SLC28A3: variants seen among roughly 807,000 people sequenced by gnomAD.
The protein encoded by SLC28A3 is concentrative Na(+)-nucleoside cotransporter 3.
Under a neutral mutation model 84.2 loss-of-function variants are expected in SLC28A3, and 68 were observed. The observed-to-expected ratio is 0.81, with a 90% CI of 0.66 to 0.99. The LOEUF (loss-of-function observed/expected upper bound fraction) is 0.99, where lower values mean the gene tolerates loss of function less well. Ranked by LOEUF, SLC28A3 falls within the 50% of genes least tolerant of loss-of-function variation. SLC28A3 has a pLI of 0.00. For missense variants in SLC28A3, 712 were observed against 841.5 expected (o/e 0.85, Z 1.90); for synonymous variants, 267 against 303.6 (o/e 0.88, Z 1.25).
chr9:84,286,804 C>G (rs67113324), intron 12 of SLC28A3, among the ~76,000 whole-genome samples: 17,180 of 152,034 alleles, frequency 0.11, 1,161 homozygotes, highest in African/African-American at 0.19. Flanking sequence ...GTGTACTCTT[C>G]TTTGATCTCA....
chr9:84,313,857 A>G (rs1826073188), intron 1 of SLC28A3, among the ~76,000 whole-genome samples: 1 of 149,082 alleles, frequency 6.7e-6, no homozygotes, highest in South Asian at 2.1e-4. Context: ...AGACACAGCA[A>G]GACTCTACCT....
intron 1 of SLC28A3, among the ~76,000 whole-genome samples, chr9:84,318,188 C>T (rs1265131853): frequency 6.6e-6 from 1 of 152,160 alleles, no homozygotes; most frequent in Non-Finnish European, 1.5e-5. Flanking sequence ...CTAGACCATT[C>T]CCCAGAGATG....
intron 1 of SLC28A3, among the ~76,000 whole-genome samples, chr9:84,339,410 C>T (rs10120520): frequency 0.033 from 5,064 of 151,978 alleles, 275 homozygotes; most frequent in African/African-American, 0.12. Flanking sequence ...CCACCATGCC[C>T]GGCTGATTTT....
At chr9:84,310,998 C>A (rs988122676) in intron 2 of SLC28A3, among the ~76,000 whole-genome samples, 9 of 152,118 alleles carry the variant, frequency 5.9e-5, no homozygotes, top group Non-Finnish European at 8.8e-5. Flanking sequence ...TTAAAAACAA[C>A]AACTACAAAT....
chr9:84,345,784 A>C, the SLC28A3 span, among the ~76,000 whole-genome samples: 3 of 152,192 alleles, frequency 2.0e-5, no homozygotes, highest in African/African-American at 7.2e-5. Flanking sequence ...GTAATTTAAA[A>C]TTGTATGTTT....
At chr9:84,367,608 G>C in the SLC28A3 span, among the ~76,000 whole-genome samples, 5 of 152,310 alleles carry the variant, frequency 3.3e-5, no homozygotes, top group South Asian at 1.0e-3. Flanking sequence ...TGGTCTCTGA[G>C]TTCCCTCAGT....
chr9:84,314,873 T>C (rs1043990398), intron 1 of SLC28A3, among the ~76,000 whole-genome samples: 1 of 152,126 alleles, frequency 6.6e-6, no homozygotes, highest in African/African-American at 2.4e-5. Flanking sequence ...GGTCAGGAGA[T>C]TGAGACCATC....
intron 1 of SLC28A3, among the ~76,000 whole-genome samples, chr9:84,338,141 G>A (rs1467769509): frequency 6.6e-6 from 1 of 152,134 alleles, no homozygotes; most frequent in Non-Finnish European, 1.5e-5. Context: ...AGTAAAATTA[G>A]AACTTTGGTC....
At chr9:84,298,690 TC>T (rs1825510910) in intron 6 of SLC28A3, among the ~76,000 whole-genome samples, 1 of 152,200 alleles carries the variant, frequency 6.6e-6, no homozygotes, top group Non-Finnish European at 1.5e-5. Context: ...TGTAATTATT[TC>T]CCCTATCTGG....
At chr9:84,319,700 G>A (rs1221715686) in intron 1 of SLC28A3, among the ~76,000 whole-genome samples, 1 of 151,970 alleles carries the variant, frequency 6.6e-6, no homozygotes, top group Non-Finnish European at 1.5e-5. Flanking sequence ...ACTGTTCCTT[G>A]CCTTTTTCTG....
At chr9:84,315,731 T>C (rs1031399960) in intron 1 of SLC28A3, among the ~76,000 whole-genome samples, 1 of 152,222 alleles carries the variant, frequency 6.6e-6, no homozygotes, top group Non-Finnish European at 1.5e-5. Flanking sequence ...GGATATTGAC[T>C]GGTACCTGGA....
At chr9:84,286,175 G>A in intron 12 of SLC28A3, 64 bp from the exon 13 acceptor site, 1 of 1,485,518 alleles carries the variant, frequency 6.7e-7, no homozygotes. Flanking sequence ...CACCATTGGT[G>A]CAGAAGTAGC....
chr9:84,354,078 TTC>T, the SLC28A3 span, among the ~76,000 whole-genome samples: 3 of 152,226 alleles, frequency 2.0e-5, no homozygotes, highest in Admixed American at 6.5e-5. Context: ...CCTCATCTTG[TTC>T]TCTTTCTTCT....
intron 6 of SLC28A3, among the ~76,000 whole-genome samples, chr9:84,299,241 G>A (rs1288844212): frequency 1.3e-5 from 2 of 152,184 alleles, no homozygotes; most frequent in East Asian, 3.8e-4. Flanking sequence ...TCCAATGGAG[G>A]ACTATTAGAT....
At position 84,313,351 on chromosome 9, in the gene SLC28A3, T is replaced by C; in HGVS notation, c.156+8A>G. ...GTACTAGAGTCATGCACCACAGTCTTGCTGTACCTGTTTGGTGTTTGTGTG... is the reference window on the plus strand; with the variant it reads ...GTACTAGAGTCATGCACCACAGTCTCGCTGTACCTGTTTGGTGTTTGTGTG... On this transcript the variant is annotated splice_region_variant and intron_variant, in intron 2 of 17. Coordinates refer to ENST00000376238, the MANE Select transcript of SLC28A3 (RefSeq NM_001199633.2). The C allele has an allele frequency of 6.2e-7, 1 of 1,613,774 alleles. No homozygotes were observed. Among genetic ancestry groups the C allele is most frequent in the East Asian group, 2.2e-5 (1 of 44,864 alleles).
intron 1 of SLC28A3, 108 bp downstream of exon 1, chr9:84,340,466 G>A (rs75126761): frequency 5.0e-6 from 6 of 1,191,382 alleles, no homozygotes; most frequent in Non-Finnish European, 7.5e-6. Context: ...GTTAAAAATC[G>A]TATTGTCCTG....
the SLC28A3 span, among the ~76,000 whole-genome samples, chr9:84,348,428 A>T: frequency 6.6e-6 from 1 of 151,810 alleles, no homozygotes; most frequent in Admixed American, 6.6e-5. Flanking sequence ...TACACTCACT[A>T]GCTGCAAGCT....
At chr9:84,306,291 G>A (rs1825786065) in intron 3 of SLC28A3, among the ~76,000 whole-genome samples, 1 of 152,080 alleles carries the variant, frequency 6.6e-6, no homozygotes, top group Non-Finnish European at 1.5e-5. Context: ...GACCTCAAAG[G>A]ATGTGGCCCC....
intron 1 of SLC28A3, among the ~76,000 whole-genome samples, chr9:84,329,861 C>T (rs372240153): frequency 1.3e-5 from 2 of 151,928 alleles, no homozygotes; most frequent in South Asian, 4.2e-4. Context: ...TAGCATGGCC[C>T]TCATCACAAA....
Sources: allele counts gnomAD v4.1 joint callset (sites outside exome capture counted in the v4.1 genomes callset), GRCh38; gene constraint gnomAD v4.1.1; transcripts MANE v1.5; gene names NCBI Gene and HGNC (gene_info 2026-07-23, HGNC 2026-07-21).